The following VPS13D variants were observed in gnomAD, a reference collection of about 807,000 sequenced individuals.
VPS13D encodes the protein intermembrane lipid transfer protein VPS13D.
In VPS13D, 187 loss-of-function variants were observed where a neutral mutation model predicts 461.9. The ratio of observed to expected loss-of-function variants is 0.40; its 90% CI spans 0.36 to 0.46. The LOEUF is 0.46. Ranked by LOEUF, VPS13D falls within the 20% of genes least tolerant of loss-of-function variation. The pLI is 0.60. For missense variants in VPS13D, 4,711 were observed against 5,364.9 expected (o/e 0.88, Z 3.81); for synonymous variants, 1,951 against 1,986.3 (o/e 0.98, Z 0.47).
rs1243594909 is a variant in VPS13D, at chr1:12,275,897, C to T, written c.2309C>T (p.Thr770Ile). 6 of 1,613,234 alleles carry T rather than the reference C, an allele frequency of 3.7e-6. No individual in the cohort carries two copies. The highest frequency in any genetic ancestry group is 1.7e-5 in the Admixed American group (1 of 59,886). ...CAGTTTAGTGATGATGAATATAAGA[C>T]CCCCCTGGCCACACCTCCTAACACC... is the stretch of plus-strand genomic sequence containing the variant. ...ETQFSDDEYK[T>I]PLATPPNTPP... Residue 770 changes from threonine to isoleucine, a missense_variant, in exon 19 of 70, where the codon ACC (threonine) becomes ATC (isoleucine). By Grantham distance (89) the Thr-to-Ile change is moderately conservative. This residue lies in a region of VPS13D where 4,411 missense variants were observed against 4,937.8 expected (regional missense o/e 0.89). Coordinates refer to ENST00000620676, the MANE Select transcript of VPS13D (RefSeq NM_015378.4).
At chr1:12,255,472 T>A (rs1466835373) in intron 7 of VPS13D, among the ~76,000 whole-genome samples, 2 of 152,042 alleles carry the variant, frequency 1.3e-5, no homozygotes, top group Non-Finnish European at 2.9e-5. Context: ...GTGGGAGACA[T>A]AAGAAGCTGA....
At chr1:12,332,211 G>A (rs751934691) in intron 37 of VPS13D, among the ~76,000 whole-genome samples, 7 of 152,218 alleles carry the variant, frequency 4.6e-5, no homozygotes, top group Non-Finnish European at 7.3e-5. Context: ...GGTCTGTACC[G>A]TAGAGACTGT....
intron 66 of VPS13D, among the ~76,000 whole-genome samples, chr1:12,458,308 C>G (rs747009272): frequency 9.9e-5 from 15 of 152,184 alleles, no homozygotes; most frequent in Admixed American, 2.0e-4. Flanking sequence ...GCTCAGTTCT[C>G]TCTGCAGGCC....
In VPS13D at chr1:12,358,450, G is replaced by T; in HGVS notation, c.9999-9G>T. On this transcript the variant is annotated splice_polypyrimidine_tract_variant and intron_variant, in intron 49 of 69. Transcript: ENST00000620676. Reference sequence around the variant, plus strand: ...TGAATATCTACATCTTTGCTTTTCTGCCCCACAGCTGCACGATGAGAATCG... The same window carrying T: ...TGAATATCTACATCTTTGCTTTTCTTCCCCACAGCTGCACGATGAGAATCG... The T allele has an allele frequency of 1.9e-6, 3 of 1,613,766 alleles. No individual in the cohort carries two copies. Among genetic ancestry groups the T allele is most frequent in the Non-Finnish European group, 2.5e-6 (3 of 1,179,874 alleles).
rs183458728 is a variant in VPS13D, at chr1:12,235,511, G to C, written c.97+1148G>C. On this transcript the variant is annotated intron_variant, in intron 2 of 69. Coordinates refer to ENST00000620676, the MANE Select transcript of VPS13D (RefSeq NM_015378.4). ...AATCGCTTGAAACCAGAAGGCGGAG[G>C]TTGCAGTGAGCCGAGGTCACACCAC... Among the ~76,000 whole-genome samples the C allele has an allele frequency of 8.1e-4, 124 of 152,180 alleles. 1 individual carries two copies. The highest frequency in any genetic ancestry group is 8.0e-3 in the Admixed American group (123 of 15,280).
At chr1:12,397,522 T>G (rs887705164) in intron 60 of VPS13D, among the ~76,000 whole-genome samples, 1 of 152,120 alleles carries the variant, frequency 6.6e-6, no homozygotes, top group Non-Finnish European at 1.5e-5. Context: ...TTGGATGAGA[T>G]AGGTAATGAT....
rs748741992 is a variant in VPS13D at position 12,282,759 on chromosome 1, G to A, written c.4657G>A (p.Val1553Met). ...EQVLQTLDNL[V>M]YSEDLNKYPA... ...GGTTTTACAAACCCTGGACAATCTC[G>A]TGTACAGTGAAGATCTGAATAAGTA... Residue 1553 changes from valine to methionine, a missense_variant, in exon 21 of 70, where the codon GTG (valine) becomes ATG (methionine). By Grantham distance (21) the Val-to-Met change is conservative. This residue lies in a region of VPS13D where 4,411 missense variants were observed against 4,937.8 expected (regional missense o/e 0.89). Transcript: ENST00000620676. 2.0e-5 allele frequency: 33 copies of A among 1,614,056 alleles called. No homozygotes were observed. The highest frequency in any genetic ancestry group is 6.7e-5 in the East Asian group (3 of 44,886).
At chr1:12,267,119 G>T in intron 14 of VPS13D, 108 bp downstream of exon 14, 1 of 1,214,776 alleles carries the variant, frequency 8.2e-7, no homozygotes, top group East Asian at 2.6e-5. Flanking sequence ...TCTTGAGACT[G>T]ATGGGCTGGG....
intron 67 of VPS13D, among the ~76,000 whole-genome samples, chr1:12,494,658 A>T (rs944060486): frequency 6.6e-6 from 1 of 152,124 alleles, no homozygotes; most frequent in Non-Finnish European, 1.5e-5. Flanking sequence ...TTGAGTACTA[A>T]TGAAAATCCT....
In VPS13D at chr1:12,299,257, C is replaced by G. The variant is rs143689539; in HGVS notation, c.6089C>G (p.Ala2030Gly). The stretch of plus-strand genomic sequence containing the variant: ...GTTCTCCTGGATATTGAGGCTGGTG[C>G]TCCCGTTCTCTTGATCCCAGAAAGT... ...SRVLLDIEAG[A>G]PVLLIPESSR... The change falls in exon 25 of 70, where the codon GCT (alanine) becomes GGT (glycine). Residue 2030 changes from alanine to glycine, a missense_variant. By Grantham distance (60) the Ala-to-Gly change is moderately conservative. Around this residue, in one of 3 missense-constraint regions of VPS13D, gnomAD observed 4,411 missense variants for 4,937.8 expected, o/e 0.89. Transcript: ENST00000620676. This position sits in a 1 kb window ranked among gnomAD's most constrained non-coding sequence, Gnocchi z 4.2. 1 of 1,613,844 alleles carries G rather than the reference C, an allele frequency of 6.2e-7. No homozygotes were observed. Among genetic ancestry groups the G allele is most frequent in the Non-Finnish European group, 8.5e-7 (1 of 1,179,970 alleles).
At position 12,333,209 on chromosome 1, in the gene VPS13D, T is replaced by C; in HGVS notation, c.8288-17T>C. The C allele has an allele frequency of 1.2e-6, 2 of 1,612,254 alleles. No individual in the cohort carries two copies. Among genetic ancestry groups the C allele is most frequent in the Non-Finnish European group, 1.7e-6 (2 of 1,179,266 alleles). On this transcript the variant is annotated splice_polypyrimidine_tract_variant and intron_variant, in intron 37 of 69. Transcript: ENST00000620676. Reference sequence around the variant, plus strand: ...GATATCTGCTGAACAGATGTCTTATTTCCTGTGTTCTTTTAGGCTGGGAGC... The same window carrying C: ...GATATCTGCTGAACAGATGTCTTATCTCCTGTGTTCTTTTAGGCTGGGAGC...
intron 67 of VPS13D, among the ~76,000 whole-genome samples, chr1:12,482,157 G>A (rs146100746): frequency 1.1e-3 from 162 of 152,294 alleles, no homozygotes; most frequent in African/African-American, 3.9e-3. Flanking sequence ...CAACTTTCAC[G>A]GCCCTGTTCA....
chr1:12,448,796 A>G (rs191688802), intron 65 of VPS13D, among the ~76,000 whole-genome samples: 8 of 152,332 alleles, frequency 5.3e-5, no homozygotes, highest in Non-Finnish European at 1.0e-4. Context: ...GGAAAAAGCA[A>G]AATCCTATTA....
At chr1:12,362,988 G>A in intron 51 of VPS13D, 84 bp from the exon 52 acceptor site, 1 of 1,582,390 alleles carries the variant, frequency 6.3e-7, no homozygotes, top group Non-Finnish European at 8.6e-7. Flanking sequence ...CCTGTTAGAG[G>A]GTAAGGCTCA....
intron 57 of VPS13D, 79 bp from the exon 58 acceptor site, chr1:12,382,897 T>C: frequency 7.5e-7 from 1 of 1,336,456 alleles, no homozygotes. Context: ...ATTTAGGAAC[T>C]TGTTTGAAAT....
chr1:12,389,285 C>G (rs1054010992), intron 60 of VPS13D, among the ~76,000 whole-genome samples: 4 of 152,192 alleles, frequency 2.6e-5, no homozygotes, highest in African/African-American at 9.7e-5. Context: ...GCAGCACCCT[C>G]ACAGACACAC....
chr1:12,258,012 A>G lies in VPS13D; in HGVS notation c.1019A>G (p.Asp340Gly), dbSNP rs776745130. The G allele has an allele frequency of 3.7e-6, 6 of 1,614,068 alleles. No individual in the cohort carries two copies. In the Admixed American group the frequency reaches 1.0e-4, roughly 27 times the overall value. ...IREQRKRCTWDFMLHRARDAV... is the reference protein window; with the variant it reads ...IREQRKRCTWGFMLHRARDAV... ...GAGCAGAGGAAACGTTGCACCTGGG[A>G]CTTTATGTTGCACCGCGCTCGTGAT... The change falls in exon 10 of 70, where the codon GAC (aspartate) becomes GGC (glycine). Residue 340 changes from aspartate to glycine, a missense_variant. Transcript: ENST00000620676.
At chr1:12,270,961 T>TGGGTG in intron 16 of VPS13D, 33 bp from the exon 17 acceptor site, 1 of 1,606,832 alleles carries the variant, frequency 6.2e-7, no homozygotes, top group Non-Finnish European at 8.5e-7. Context: ...CGTGTGAAAA[T>TGGGTG]TCTGACTCTG....
rs779247032 is a variant in VPS13D at position 12,362,827 on chromosome 1, C to CAA, written c.10250_10251insAA (p.Glu3419GlyfsTer41). On this transcript the variant is annotated frameshift_variant, in exon 51 of 70. Transcript: ENST00000620676. LOFTEE classifies it high-confidence loss of function. Reference sequence around the variant, plus strand: ...ATCATCTCACAAGCTTGCATTTGCACAGAGGGAATTTGCCAGGGGACAGGT... The same window carrying CAA: ...ATCATCTCACAAGCTTGCATTTGCACAAAGAGGGAATTTGCCAGGGGACAGGT... 6.2e-7 allele frequency: 1 copy of CAA among 1,614,076 alleles called. No homozygotes were observed. Among genetic ancestry groups the CAA allele is most frequent in the African/African-American group, 1.3e-5 (1 of 74,932 alleles).
Sources: allele counts gnomAD v4.1 joint callset (sites outside exome capture counted in the v4.1 genomes callset), GRCh38; gene constraint gnomAD v4.1.1; regional missense constraint gnomAD v4.1.1; non-coding constraint Gnocchi (gnomAD v3.1); transcripts MANE v1.5; gene names NCBI Gene and HGNC (gene_info 2026-07-23, HGNC 2026-07-21).